NOX3: variants seen among roughly 807,000 people sequenced by gnomAD.
The protein encoded by NOX3 is NADPH oxidase catalytic subunit-like 3.
A neutral mutation model predicts 76.7 loss-of-function variants in NOX3; 74 were observed. The ratio of observed to expected loss-of-function variants is 0.96; its 90% CI spans 0.80 to 1.17. The LOEUF is 1.17. Ranked by LOEUF, NOX3 falls within the 50% of genes most tolerant of loss-of-function variation. The probability of loss-of-function intolerance (pLI) is 0.00; values close to 1 mark genes in which losing one functional copy is unlikely to be tolerated. For synonymous variants in NOX3, 263 were observed against 261.1 expected (o/e 1.01, Z -0.07); for missense variants, 695 against 703.3 (o/e 0.99, Z 0.13).
At chr6:155,433,024 A>G (rs145383304) in intron 7 of NOX3, among the ~76,000 whole-genome samples, 14 of 152,350 alleles carry the variant, frequency 9.2e-5, no homozygotes, top group African/African-American at 3.4e-4. Context: ...AAAGACACTC[A>G]GTCTTCATAT....
At chr6:155,429,821 C>A (rs9480136) in intron 8 of NOX3, among the ~76,000 whole-genome samples, 3 of 152,130 alleles carry the variant, frequency 2.0e-5, no homozygotes, top group Admixed American at 2.0e-4. Context: ...CAGTATTTTT[C>A]CGTTCAAAAG....
intron 9 of NOX3, among the ~76,000 whole-genome samples, chr6:155,423,822 C>A (rs1276074915): frequency 1.3e-5 from 2 of 150,930 alleles, no homozygotes; most frequent in South Asian, 4.2e-4. Flanking sequence ...CTCTCTGCAA[C>A]CTTTGCCTCC....
At chr6:155,397,375 A>G (rs1296647390) in intron 12 of NOX3, among the ~76,000 whole-genome samples, 1 of 152,194 alleles carries the variant, frequency 6.6e-6, no homozygotes, top group Non-Finnish European at 1.5e-5. Context: ...ATATGATTGC[A>G]GCCACTTACA....
chr6:155,442,189 G>A (rs1049734494), intron 5 of NOX3, among the ~76,000 whole-genome samples: 4 of 152,090 alleles, frequency 2.6e-5, no homozygotes, highest in African/African-American at 7.2e-5. Context: ...GCGTGAATCC[G>A]GGAGGCGGAG....
Position 155,453,417 on chromosome 6 carries a change from T to C in NOX3, c.327A>G (p.Ile109Met), listed in dbSNP as rs758698118. 1 of 1,612,292 alleles carries C rather than the reference T, an allele frequency of 6.2e-7. No homozygotes were observed. Among genetic ancestry groups the C allele is most frequent in the African/African-American group, 1.3e-5 (1 of 74,908 alleles). ...LRFHKLVAYG[I>M]AVNATIHIVA... ...ATAAGTACTTACTTGCATTAACAGC[T>C]ATCCCATAGGCGACCAGTTTGTGAA... Residue 109 changes from isoleucine to methionine, a missense_variant, in exon 4 of 14, where the codon ATA becomes ATG. Ile to Met is a conservative substitution (Grantham distance 10). Coordinates refer to ENST00000159060, the MANE Select transcript of NOX3 (RefSeq NM_015718.3).
At chr6:155,426,818 G>A (rs1395214426) in intron 9 of NOX3, among the ~76,000 whole-genome samples, 1 of 152,132 alleles carries the variant, frequency 6.6e-6, no homozygotes, top group Non-Finnish European at 1.5e-5. Context: ...GTTCTTCTTG[G>A]GGGACTGGTT....
chr6:155,395,600 C>G (rs1687725925), intron 13 of NOX3, 26 bp from the exon 14 acceptor site: 2 of 152,094 alleles, frequency 1.3e-5, no homozygotes, highest in Non-Finnish European at 2.9e-5. Flanking sequence ...GAGATATTAT[C>G]AGTGAAATAT....
intron 10 of NOX3, among the ~76,000 whole-genome samples, chr6:155,420,976 T>C (rs562907922): frequency 6.6e-6 from 1 of 152,356 alleles, no homozygotes; most frequent in East Asian, 1.9e-4. Context: ...TTCTTATTTC[T>C]CCGTTATGTG....
At chr6:155,428,735 T>G in intron 9 of NOX3, 59 bp downstream of exon 9, 2 of 1,435,230 alleles carry the variant, frequency 1.4e-6, no homozygotes, top group Non-Finnish European at 1.8e-6. Flanking sequence ...TGTTGATACA[T>G]TAAGATACCT....
chr6:155,441,177 T>C (rs554349420), intron 5 of NOX3, among the ~76,000 whole-genome samples: 2 of 152,332 alleles, frequency 1.3e-5, no homozygotes, highest in African/African-American at 4.8e-5. Flanking sequence ...TTAGTATTCA[T>C]ACATTGTGTT....
chr6:155,439,840 C>A (rs1776957624), intron 6 of NOX3, 116 bp downstream of exon 6: 1 of 796,974 alleles, frequency 1.3e-6, no homozygotes, highest in Non-Finnish European at 1.9e-6. Flanking sequence ...GCTTTTCACA[C>A]ATTATACGAG....
chr6:155,440,837 C>T (rs1355664297), intron 5 of NOX3, among the ~76,000 whole-genome samples: 1 of 149,886 alleles, frequency 6.7e-6, no homozygotes, highest in African/African-American at 2.5e-5. Context: ...TGCATTTTAA[C>T]ATTAATAAAC....
intron 5 of NOX3, 38 bp from the exon 6 acceptor site, chr6:155,440,175 A>G: frequency 6.7e-7 from 1 of 1,485,418 alleles, no homozygotes. Context: ...GAAACAAACA[A>G]AAAAAAACAC....
rs373125116 is a variant in NOX3 at position 155,418,343 on chromosome 6, C to T, written c.1308+4351G>A. ...TTTTTCACCCCCAGCATTCAGCTTC[C>T]TCCATATTGCATCACAGAGAATTCT... On this transcript the variant is annotated intron_variant, in intron 10 of 13. Transcript: ENST00000159060. Among the ~76,000 whole-genome samples the T allele has an allele frequency of 4.6e-4, 70 of 152,296 alleles. 1 individual carries two copies. The South Asian group carries it at 0.013, about 28-fold the overall frequency.
chr6:155,412,919 T>A (rs550067177), intron 10 of NOX3, among the ~76,000 whole-genome samples: 2 of 152,212 alleles, frequency 1.3e-5, no homozygotes, highest in Non-Finnish European at 2.9e-5. Context: ...ATAAGTAGAA[T>A]ATAGGTTATG....
intron 7 of NOX3, among the ~76,000 whole-genome samples, chr6:155,432,417 G>T: frequency 8.4e-6 from 1 of 119,662 alleles, no homozygotes; most frequent in Non-Finnish European, 1.7e-5. Flanking sequence ...GCGGGGGGTG[G>T]GGGCAGGAAG....
intron 12 of NOX3, among the ~76,000 whole-genome samples, chr6:155,402,391 T>C (rs745406725): frequency 3.3e-5 from 5 of 152,258 alleles, no homozygotes; most frequent in Non-Finnish European, 7.3e-5. Context: ...TTAATATTTG[T>C]TGACTGTCTT....
In NOX3 at chr6:155,443,363, G is replaced by A. The variant is rs767047646; in HGVS notation, c.396C>T (p.Ser132=). The A allele has an allele frequency of 1.5e-5, 24 of 1,613,906 alleles. No homozygotes were observed. In the East Asian group the frequency reaches 2.2e-4, roughly 15 times the overall value. The change falls in exon 5 of 14, where the codon TCC becomes TCT. Residue 132 remains serine, a synonymous_variant. Transcript: ENST00000159060. ...FNLERYHWSQ[S]EEAQGLLAAL... ...CGGCCAGAAGTCCCTGGGCCTCCTC[G>A]GACTGGCTCCAGTGGTAGCGTTCCA...
At chr6:155,411,816 C>T (rs988562142) in intron 10 of NOX3, among the ~76,000 whole-genome samples, 7 of 152,178 alleles carry the variant, frequency 4.6e-5, no homozygotes, top group African/African-American at 1.7e-4. Flanking sequence ...TCACTAGCTA[C>T]GGCCTCTGGA....
Sources: allele counts gnomAD v4.1 joint callset (sites outside exome capture counted in the v4.1 genomes callset), GRCh38; gene constraint gnomAD v4.1.1; transcripts MANE v1.5; gene names NCBI Gene and HGNC (gene_info 2026-07-23, HGNC 2026-07-21).